The following COL26A1 variants were observed in gnomAD, a reference collection of about 807,000 sequenced individuals.
COL26A1 encodes the protein collagen type XXVI alpha 1 chain.
In COL26A1, 41 loss-of-function variants were observed where a neutral mutation model predicts 59.3. The ratio of observed to expected loss-of-function variants is 0.69; its 90% CI spans 0.54 to 0.90. The LOEUF (loss-of-function observed/expected upper bound fraction) is 0.90, where lower values mean the gene tolerates loss of function less well. COL26A1 is among the 40% of genes least tolerant of loss of function. COL26A1 has a pLI of 0.00. For missense variants in COL26A1, 612 were observed against 602.3 expected (o/e 1.02, Z -0.17); for synonymous variants, 266 against 256.0 (o/e 1.04, Z -0.37).
Position 101,505,498 on chromosome 7 carries a change from G to T in COL26A1, c.386-27584G>T, listed in dbSNP as rs113553523. On this transcript the variant is annotated intron_variant, in intron 3 of 12. Transcript: ENST00000313669. ...TTTGTTAAGGAGTATTAACTCACAG[G>T]ATCACGAGGTCCCACAATAGGCCGT... Among the ~76,000 whole-genome samples the T allele has an allele frequency of 3.5e-3, 529 of 152,252 alleles. 1 individual carries two copies. The highest frequency in any genetic ancestry group is 5.8e-3 in the Non-Finnish European group (396 of 68,012).
At chr7:101,556,893 G>GATGGA (rs1795988035) in intron 12 of COL26A1, among the ~76,000 whole-genome samples, 1 of 146,526 alleles carries the variant, frequency 6.8e-6, no homozygotes, top group South Asian at 2.3e-4. Flanking sequence ...GAATGACTGA[G>GATGGA]TGGATGGATG....
rs370701792 is a variant in COL26A1 at position 101,533,191 on chromosome 7, T to C, written c.447+48T>C. 32 of 1,437,328 alleles carry C rather than the reference T, an allele frequency of 2.2e-5. No individual in the cohort carries two copies. The African/African-American group carries it at 3.8e-4, about 17-fold the overall frequency. The allele number at this position is 1,437,328 out of a possible 1,614,324, so 89.0% of individuals were successfully genotyped here. A position where few individuals can be genotyped will look rare whatever the true frequency, so the allele number is the denominator to read the frequency against. ...GGCCTGGGGAGCTGCCTGGGGACCTTGGGTGGTGGAGGGAGGCATCAGGCA... is the reference window on the plus strand; with the variant it reads ...GGCCTGGGGAGCTGCCTGGGGACCTCGGGTGGTGGAGGGAGGCATCAGGCA... On this transcript the variant is annotated intron_variant, in intron 4 of 12. Transcript: ENST00000313669.
chr7:101,377,144 C>A (rs1351243757), intron 1 of COL26A1, among the ~76,000 whole-genome samples: 2 of 152,046 alleles, frequency 1.3e-5, no homozygotes, highest in African/African-American at 2.4e-5. Flanking sequence ...CAGGCCTGAG[C>A]CACTGTGCCT....
chr7:101,429,812 C>T (rs1046024590), intron 2 of COL26A1, among the ~76,000 whole-genome samples: 9 of 151,728 alleles, frequency 5.9e-5, no homozygotes, highest in African/African-American at 2.2e-4. Context: ...TGCCCAGGTT[C>T]GTCTCAAACT....
At position 101,363,138 on chromosome 7, in the gene COL26A1, G is replaced by A. The variant is rs749947111; in HGVS notation, c.106G>A (p.Gly36Ser). ...CTCGGCCGCAGCTCTGCAGCAGCAC[G>A]GCTACCCCGAGCCCGGCGCCGGCTC... The part of the protein sequence containing the change: ...PFSAAALQQH[G>S]YPEPGAGSPG... Residue 36 changes from glycine (G) to serine (S), a missense_variant, in exon 1 of 13, where the codon GGC becomes AGC. By Grantham distance (56) the Gly-to-Ser change is moderately conservative. Transcript: ENST00000313669. 1.2e-4 allele frequency: 176 copies of A among 1,520,956 alleles called. No individual in the cohort carries two copies. Among genetic ancestry groups the A allele is most frequent in the Non-Finnish European group, 1.4e-4 (162 of 1,142,004 alleles). The allele number at this position is 1,520,956 out of a possible 1,614,324, so 94.2% of individuals were successfully genotyped here.
intron 3 of COL26A1, among the ~76,000 whole-genome samples, chr7:101,489,923 C>A (rs369811570): frequency 1.1e-5 from 1 of 87,200 alleles, no homozygotes; most frequent in Non-Finnish European, 2.1e-5. Context: ...TCTTTCTTGT[C>A]TCTCTCTCTC....
intron 3 of COL26A1, among the ~76,000 whole-genome samples, chr7:101,478,579 A>G (rs528964561): frequency 6.6e-6 from 1 of 152,272 alleles, no homozygotes; most frequent in Non-Finnish European, 1.5e-5. Context: ...TATACTTACC[A>G]CTAAGATTTA....
At chr7:101,374,785 G>A (rs1791272940) in intron 1 of COL26A1, among the ~76,000 whole-genome samples, 1 of 152,182 alleles carries the variant, frequency 6.6e-6, no homozygotes, top group Non-Finnish European at 1.5e-5. Context: ...GCCAGACACG[G>A]TGGCTCACGC....
chr7:101,399,415 C>T (rs1334921446), intron 1 of COL26A1, among the ~76,000 whole-genome samples: 5 of 152,128 alleles, frequency 3.3e-5, no homozygotes, highest in Non-Finnish European at 1.5e-5. Flanking sequence ...CCTCCATCTC[C>T]TGTGTTCAAG....
chr7:101,397,501 TCCTTC>T lies in COL26A1; in HGVS notation c.159-22459_159-22455del, dbSNP rs201440460. 3.3e-4 allele frequency among the ~76,000 whole-genome samples: 48 copies of T among 147,164 alleles called. 1 individual carries two copies. The highest frequency in any genetic ancestry group is 2.0e-4 in the Non-Finnish European group (13 of 66,550). Reference sequence around the variant, plus strand: ...CTTCCTTCTCCTTTCCTTCTCCTTCTCCTTCCCTTCCCTTCCCTTCCTTCTCTCCT... The same window carrying T: ...CTTCCTTCTCCTTTCCTTCTCCTTCTCCTTCCCTTCCCTTCCTTCTCTCCT... On this transcript the variant is annotated intron_variant, in intron 1 of 12. Coordinates refer to ENST00000313669, the MANE Select transcript of COL26A1 (RefSeq NM_001278563.3).
At chr7:101,449,388 G>A (rs1242915940) in intron 3 of COL26A1, among the ~76,000 whole-genome samples, 1 of 152,206 alleles carries the variant, frequency 6.6e-6, no homozygotes, top group Non-Finnish European at 1.5e-5. Context: ...TCTAGATCCT[G>A]CCAGGGGCCG....
intron 1 of COL26A1, among the ~76,000 whole-genome samples, chr7:101,419,177 C>A (rs1792451658): frequency 7.0e-6 from 1 of 142,908 alleles, no homozygotes; most frequent in South Asian, 2.3e-4. Context: ...AGTGAAGTAG[C>A]ATGATCATAG....
intron 3 of COL26A1, among the ~76,000 whole-genome samples, chr7:101,469,945 G>A (rs1224151197): frequency 6.6e-6 from 1 of 152,050 alleles, no homozygotes; most frequent in East Asian, 1.9e-4. Context: ...TCGCTGTCTG[G>A]GGTAAATACT....
intron 3 of COL26A1, among the ~76,000 whole-genome samples, chr7:101,506,510 C>T (rs962262428): frequency 6.6e-6 from 1 of 152,226 alleles, no homozygotes; most frequent in African/African-American, 2.4e-5. Context: ...GGCTCTGGCT[C>T]CAGGGAGCTG....
chr7:101,382,788 G>A (rs996367161), intron 1 of COL26A1, among the ~76,000 whole-genome samples: 1 of 152,170 alleles, frequency 6.6e-6, no homozygotes, highest in Non-Finnish European at 1.5e-5. Flanking sequence ...GCTCACACCT[G>A]TAATCCAAGC....
intron 2 of COL26A1, among the ~76,000 whole-genome samples, chr7:101,420,733 C>CTCCCTCTCACCA (rs1792497703): frequency 1.4e-5 from 2 of 142,320 alleles, no homozygotes; most frequent in African/African-American, 2.6e-5. Context: ...TCACCAGCCC[C>CTCCCTCTCACCA]GCCCATAGTC....
chr7:101,382,544 A>G (rs934670951), intron 1 of COL26A1, among the ~76,000 whole-genome samples: 1 of 152,188 alleles, frequency 6.6e-6, no homozygotes, highest in Non-Finnish European at 1.5e-5. Context: ...TGCCAAAACC[A>G]CAGTTCTGTG....
intron 1 of COL26A1, among the ~76,000 whole-genome samples, chr7:101,366,717 T>C (rs1791057749): frequency 6.6e-6 from 1 of 151,962 alleles, no homozygotes; most frequent in East Asian, 1.9e-4. Context: ...CCCAGGGTGG[T>C]CTTGAACTCC....
At chr7:101,437,791 G>A (rs939184357) in intron 2 of COL26A1, among the ~76,000 whole-genome samples, 1 of 149,822 alleles carries the variant, frequency 6.7e-6, no homozygotes, top group African/African-American at 2.5e-5. Flanking sequence ...TCTCAGGTTG[G>A]TCTAAAACTC....
Sources: gnomAD v4.1 joint callset for allele counts (sites outside exome capture counted in the v4.1 genomes callset) on GRCh38, gnomAD v4.1.1 for gene constraint, MANE v1.5 for transcripts, NCBI Gene and HGNC (gene_info 2026-07-23, HGNC 2026-07-21) for gene names.